The following COG3 variants were observed in gnomAD, a reference collection of about 807,000 sequenced individuals.
COG3 encodes the protein component of oligomeric golgi complex 3.
Under a neutral mutation model 114.1 loss-of-function variants are expected in COG3, and 32 were observed. The observed-to-expected ratio is 0.28, with a 90% confidence interval of 0.21 to 0.38. COG3 has a LOEUF of 0.38. Ranked by LOEUF, COG3 falls within the 10% of genes least tolerant of loss-of-function variation. The pLI is 1.00. For missense variants in COG3, 813 were observed against 973.2 expected, an observed-to-expected ratio of 0.84 and a Z score of 2.19; for synonymous variants, 352 against 365.7, an observed-to-expected ratio of 0.96 and a Z score of 0.43.
chr13:45,501,869 C>A (rs1249503640), intron 13 of COG3, among the ~76,000 whole-genome samples: 1 of 152,176 alleles, frequency 6.6e-6, no homozygotes, highest in Non-Finnish European at 1.5e-5. Context: ...TATGTTCTTA[C>A]CTGTTTTGAG....
At chr13:45,506,222 C>A (rs1184245872) in intron 14 of COG3, among the ~76,000 whole-genome samples, 1 of 151,876 alleles carries the variant, frequency 6.6e-6, no homozygotes, top group East Asian at 1.9e-4. Flanking sequence ...GTAAGATCAT[C>A]CTAGGACAGA....
chr13:45,508,099 A>AAAAG, intron 14 of COG3, among the ~76,000 whole-genome samples: 1 of 130,078 alleles, frequency 7.7e-6, no homozygotes, highest in East Asian at 2.2e-4. Context: ...AAAAAAAAAA[A>AAAAG]GGAAAGAAAG....
chr13:45,491,653 A>T (rs1476242507), intron 10 of COG3, 115 bp downstream of exon 10: 3 of 945,874 alleles, frequency 3.2e-6, no homozygotes, highest in Non-Finnish European at 4.5e-6. Flanking sequence ...CTGAAAAAGC[A>T]TGTTTTTCAT....
At chr13:45,511,531 A>G (rs754343574) in intron 15 of COG3, among the ~76,000 whole-genome samples, 21 of 152,350 alleles carry the variant, frequency 1.4e-4, no homozygotes, top group Non-Finnish European at 2.9e-4. Flanking sequence ...ATGCTAATCA[A>G]TATTTATTGA....
rs1886165347 is a variant in COG3, at chr13:45,480,239, C to T, written c.498C>T (p.Ser166=). Residue 166 remains serine, a synonymous_variant, in exon 4 of 23, where the codon TCC becomes TCT. Coordinates refer to ENST00000349995, the MANE Select transcript of COG3 (RefSeq NM_031431.4). ...TGCAGAAACAGTATCTTTTTGTGTC[C>T]AATAAGACAGGAACCCTACATGAAG... The part of the protein sequence containing the change: ...ESLQKQYLFV[S]NKTGTLHEAC... 1 of 1,613,546 alleles carries T rather than the reference C, an allele frequency of 6.2e-7. No homozygotes were observed. Among genetic ancestry groups the T allele is most frequent in the East Asian group, 2.2e-5 (1 of 44,848 alleles).
chr13:45,508,068 T>TAAAAAAAAAAAAA (rs10571583), intron 14 of COG3, among the ~76,000 whole-genome samples: 9 of 32,270 alleles, frequency 2.8e-4, no homozygotes, highest in Admixed American at 6.3e-4. Context: ...AGGTCCAACC[T>TAAAAAAAAAAAAA]AAAAAAAAAA....
At chr13:45,481,715 A>T (rs921602461) in intron 5 of COG3, among the ~76,000 whole-genome samples, 1 of 152,204 alleles carries the variant, frequency 6.6e-6, no homozygotes, top group African/African-American at 2.4e-5. Context: ...GTTGCATCCC[A>T]ATAAAGTATA....
At chr13:45,483,653 A>G (rs1037442174) in intron 7 of COG3, among the ~76,000 whole-genome samples, 2 of 152,164 alleles carry the variant, frequency 1.3e-5, no homozygotes, top group African/African-American at 4.8e-5. Context: ...TATCTTTTTC[A>G]TGAAAATATT....
intron 1 of COG3, among the ~76,000 whole-genome samples, chr13:45,474,220 C>G (rs76309754): frequency 7.5e-6 from 1 of 132,952 alleles, no homozygotes; most frequent in African/African-American, 3.0e-5. Flanking sequence ...TGCAGTGGCT[C>G]GATCTCGGCT....
chr13:45,503,208 G>GA lies in COG3; in HGVS notation c.1489-32dup, dbSNP rs781651909. On this transcript the variant is annotated intron_variant, in intron 13 of 22. Coordinates refer to ENST00000349995, the MANE Select transcript of COG3 (RefSeq NM_031431.4). ...CATGTTCATGTTGCCAAACACTGCT[G>GA]AAAACGGTAACATTCCTTCTGATTT... The GA allele has an allele frequency of 9.6e-6, 10 of 1,037,378 alleles. No homozygotes were observed. In the African/African-American group the frequency reaches 1.6e-4, roughly 16 times the overall value. The allele number at this position is 1,037,378 out of a possible 1,614,324, so 64.3% of individuals were successfully genotyped here.
intron 13 of COG3, among the ~76,000 whole-genome samples, chr13:45,497,828 C>A (rs1869004998): frequency 1.2e-5 from 1 of 81,952 alleles, no homozygotes; most frequent in Admixed American, 1.3e-4. Flanking sequence ...CAAAGTATGA[C>A]CACTCAAGGC....
chr13:45,500,706 A>G (rs1027482809), intron 13 of COG3, among the ~76,000 whole-genome samples: 1 of 152,142 alleles, frequency 6.6e-6, no homozygotes, highest in East Asian at 1.9e-4. Flanking sequence ...AGTCACTGGT[A>G]TTTATTTACT....
intron 14 of COG3, among the ~76,000 whole-genome samples, chr13:45,507,143 C>T (rs1870245374): frequency 6.6e-6 from 1 of 152,172 alleles, no homozygotes; most frequent in Non-Finnish European, 1.5e-5. Flanking sequence ...CACAAGCTGA[C>T]TTCTGGCTTT....
At chr13:45,518,715 C>A in intron 17 of COG3, 47 bp from the exon 18 acceptor site, 1 of 1,420,420 alleles carries the variant, frequency 7.0e-7, no homozygotes, top group Non-Finnish European at 9.9e-7. Context: ...CATGGCTTTG[C>A]TGTTGAAACT....
chr13:45,522,080 C>T (rs1387265377), intron 19 of COG3, among the ~76,000 whole-genome samples: 2 of 152,188 alleles, frequency 1.3e-5, no homozygotes, highest in Non-Finnish European at 2.9e-5. Flanking sequence ...GCTGAGATAA[C>T]AGGCAGGAGC....
In COG3 at chr13:45,496,217, G is replaced by A. The variant is rs756370605; in HGVS notation, c.1393G>A (p.Val465Ile). 9.3e-6 allele frequency: 15 copies of A among 1,612,426 alleles called. No individual in the cohort carries two copies. The highest frequency in any genetic ancestry group is 4.0e-5 in the African/African-American group (3 of 74,808). The change falls in exon 13 of 23, where the codon GTC becomes ATC. Residue 465 changes from valine to isoleucine, a missense_variant. Physicochemically the swap from Val to Ile is conservative, Grantham distance 29. This residue lies in a region of COG3 where 389 missense variants were observed against 542.6 expected (regional missense o/e 0.72). Transcript: ENST00000349995. ...GTTAGAAGATGTACAGGAGCGGCTC[G>A]TCTACCGAACCCACATCTATATTCA... ...QMLEDVQERL[V>I]YRTHIYIQTD...
intron 1 of COG3, among the ~76,000 whole-genome samples, chr13:45,475,484 G>A (rs1036388534): frequency 1.3e-5 from 2 of 152,070 alleles, no homozygotes; most frequent in African/African-American, 4.8e-5. Flanking sequence ...GATTACAGGC[G>A]TGAGCCACTG....
rs1299192498 is a variant in COG3 at position 45,476,181 on chromosome 13, T to C, written c.175-20T>C. The C allele has an allele frequency of 6.2e-7, 1 of 1,612,326 alleles. No individual in the cohort carries two copies. Among genetic ancestry groups the C allele is most frequent in the Admixed American group, 1.7e-5 (1 of 59,960 alleles). ...AATTTTCAAGTCACTTAAATATCTT[T>C]GTGACTCTCTTTTTTCAAGCTTCCA... On this transcript the variant is annotated intron_variant, in intron 1 of 22. Transcript: ENST00000349995.
intron 7 of COG3, among the ~76,000 whole-genome samples, chr13:45,483,804 T>C (rs1886403293): frequency 6.6e-6 from 1 of 152,224 alleles, no homozygotes; most frequent in Non-Finnish European, 1.5e-5. Context: ...CCTTTTTTTG[T>C]ATTTTTCAAC....
Sources: allele counts gnomAD v4.1 joint callset (sites outside exome capture counted in the v4.1 genomes callset), GRCh38; gene constraint gnomAD v4.1.1; regional missense constraint gnomAD v4.1.1; transcripts MANE v1.5; gene names NCBI Gene and HGNC (gene_info 2026-07-23, HGNC 2026-07-21).